Variants in NR3C1 observed in about 807,000 individuals in gnomAD.
The protein encoded by NR3C1 is nuclear receptor subfamily 3 group C member 1.
A neutral mutation model predicts 74.0 loss-of-function variants in NR3C1; 14 were observed. That is an observed-to-expected ratio of 0.19 (90% CI 0.12 to 0.30). NR3C1 has a LOEUF of 0.30. NR3C1 is among the 10% of genes least tolerant of loss of function. The pLI, the probability that NR3C1 is intolerant of heterozygous loss-of-function variation, is 1.00. For missense variants in NR3C1, 695 were observed against 909.8 expected (o/e 0.76, Z 3.04); for synonymous variants, 308 against 332.5 (o/e 0.93, Z 0.80).
chr5:143,306,571 T>C lies in NR3C1; in HGVS notation c.1468+3526A>G, dbSNP rs146953609. Among the ~76,000 whole-genome samples the C allele has an allele frequency of 1.8e-4, 27 of 152,326 alleles. 2 individuals are homozygous for C. The East Asian group carries it at 5.0e-3, about 28-fold the overall frequency. ...TCTTTCAATTCATCTACAAGTAGAA[T>C]TGGATCATTTATATGATATGTGCCA... On this transcript the variant is annotated intron_variant, in intron 4 of 8. Transcript: ENST00000394464.
At chr5:143,401,113 G>T in intron 1 of NR3C1, 1 of 489,868 alleles carries the variant, frequency 2.0e-6, no homozygotes, top group South Asian at 2.2e-5. Flanking sequence ...AACTAAGCTT[G>T]GCTATTCATC....
At chr5:143,394,187 T>C (rs1021769606) in intron 2 of NR3C1, among the ~76,000 whole-genome samples, 4 of 152,036 alleles carry the variant, frequency 2.6e-5, no homozygotes, top group African/African-American at 9.6e-5. Context: ...AAATTAATAC[T>C]TGGGTTACTC....
intron 4 of NR3C1, among the ~76,000 whole-genome samples, chr5:143,307,349 A>G (rs1218506015): frequency 1.3e-5 from 2 of 152,170 alleles, no homozygotes; most frequent in East Asian, 1.9e-4. Context: ...GGGCACTGCA[A>G]TTGCTATTAA....
At chr5:143,361,457 A>T (rs1030554527) in intron 2 of NR3C1, among the ~76,000 whole-genome samples, 2 of 152,204 alleles carry the variant, frequency 1.3e-5, no homozygotes, top group African/African-American at 4.8e-5. Flanking sequence ...TAAACCTTAG[A>T]ACTCCTTCTT....
At chr5:143,390,225 T>C (rs948683573) in intron 2 of NR3C1, among the ~76,000 whole-genome samples, 4 of 152,190 alleles carry the variant, frequency 2.6e-5, no homozygotes, top group Non-Finnish European at 5.9e-5. Flanking sequence ...CTATCAGTAA[T>C]CGCAGAGGTT....
At chr5:143,293,039 T>C (rs1816305583) in intron 7 of NR3C1, among the ~76,000 whole-genome samples, 1 of 152,224 alleles carries the variant, frequency 6.6e-6, no homozygotes, top group Non-Finnish European at 1.5e-5. Context: ...AATTGTATTC[T>C]TCTGCTTTTA....
chr5:143,279,502 C>T lies in NR3C1; in HGVS notation c.*2387G>A, dbSNP rs756213570. The T allele has an allele frequency of 1.7e-4, 227 of 1,335,464 alleles. No individual in the cohort carries two copies. The highest frequency in any genetic ancestry group is 2.1e-4 in the Non-Finnish European group (219 of 1,022,134). 82.7% of individuals were successfully genotyped at this position (1,335,464 alleles called of 1,614,324 possible). On this transcript the variant is annotated 3_prime_UTR_variant, in exon 9 of 9. Transcript: ENST00000394464. Reference sequence around the variant, plus strand: ...AATATTCAAGCAGTTTTCTTAGGCACCAAAAATTTATCCAGCCGGGTTACA... The same window carrying T: ...AATATTCAAGCAGTTTTCTTAGGCATCAAAAATTTATCCAGCCGGGTTACA...
chr5:143,404,040 C>T (rs1386301795), upstream of NR3C1: 17 of 985,424 alleles, frequency 1.7e-5, no homozygotes, highest in Non-Finnish European at 1.8e-5. Context: ...AGTTTCTTTT[C>T]TCGCTACCTC....
upstream of NR3C1, chr5:143,404,396 C>T (rs1191885607): frequency 9.1e-6 from 9 of 985,488 alleles, no homozygotes; most frequent in East Asian, 6.8e-4. Flanking sequence ...GGGGGAGTCG[C>T]GTGCCGGCAG....
intron 2 of NR3C1, among the ~76,000 whole-genome samples, chr5:143,323,504 G>C (rs901793588): frequency 1.3e-5 from 2 of 151,972 alleles, no homozygotes; most frequent in Admixed American, 6.6e-5. Flanking sequence ...ACAACACATG[G>C]GAATTCTGGG....
chr5:143,333,347 T>G, intron 2 of NR3C1: 1 of 653,110 alleles, frequency 1.5e-6, no homozygotes, highest in Non-Finnish European at 2.7e-6. Flanking sequence ...AGAGTAACCT[T>G]GAGATTGGGA....
At chr5:143,384,671 C>G (rs548906058) in intron 2 of NR3C1, among the ~76,000 whole-genome samples, 14 of 152,334 alleles carry the variant, frequency 9.2e-5, no homozygotes, top group African/African-American at 3.4e-4. Context: ...CCAAGCCACG[C>G]TGACACAAGG....
intron 2 of NR3C1, among the ~76,000 whole-genome samples, chr5:143,321,167 G>C (rs1023150236): frequency 1.3e-5 from 2 of 152,164 alleles, no homozygotes; most frequent in African/African-American, 4.8e-5. Flanking sequence ...GAACATGTTG[G>C]AGACAATAGT....
intron 6 of NR3C1, among the ~76,000 whole-genome samples, chr5:143,297,671 G>A (rs575857210): frequency 1.3e-5 from 2 of 152,112 alleles, no homozygotes; most frequent in African/African-American, 4.8e-5. Flanking sequence ...TAGACCAGGG[G>A]TATGTGTGTG....
At chr5:143,358,367 CT>C (rs1831560518) in intron 2 of NR3C1, among the ~76,000 whole-genome samples, 1 of 152,148 alleles carries the variant, frequency 6.6e-6, no homozygotes, top group African/African-American at 2.4e-5. Flanking sequence ...GAGGGATAGC[CT>C]TATAATGTTC....
intron 2 of NR3C1, among the ~76,000 whole-genome samples, chr5:143,371,873 A>G (rs1012497816): frequency 6.6e-6 from 1 of 152,178 alleles, no homozygotes; most frequent in African/African-American, 2.4e-5. Context: ...CTGTTTACCT[A>G]TACTCAAACT....
chr5:143,300,443 A>G lies in NR3C1; in HGVS notation c.1747+42T>C, dbSNP rs781021613. Reference sequence around the variant, plus strand: ...CCAAAGTGTTTTTGCTGAAGAAAACACAAAGGTTTATATAGTTGCTCTTTT... The same window carrying G: ...CCAAAGTGTTTTTGCTGAAGAAAACGCAAAGGTTTATATAGTTGCTCTTTT... On this transcript the variant is annotated intron_variant, in intron 5 of 8. Coordinates refer to ENST00000394464, the MANE Select transcript of NR3C1 (RefSeq NM_000176.3). This position sits in a 1 kb window ranked among gnomAD's most constrained non-coding sequence, Gnocchi z 5.2. 2 of 1,613,596 alleles carry G rather than the reference A, an allele frequency of 1.2e-6. No individual in the cohort carries two copies. Among genetic ancestry groups the G allele is most frequent in the Admixed American group, 3.3e-5 (2 of 60,022 alleles).
In NR3C1 at chr5:143,403,318, T is replaced by C; in HGVS notation, c.-121A>G. On this transcript the variant is annotated 5_prime_UTR_variant, in exon 1 of 9. Coordinates refer to ENST00000394464, the MANE Select transcript of NR3C1 (RefSeq NM_000176.3). Reference sequence around the variant, plus strand: ...AGGAGCAGGAGGGAAATATATTTTTTTTTTCTAAAAAAAGGAAGTAAACAG... The same window carrying C: ...AGGAGCAGGAGGGAAATATATTTTTCTTTTCTAAAAAAAGGAAGTAAACAG... The C allele has an allele frequency of 1.0e-6, 1 of 985,356 alleles. No individual in the cohort carries two copies. The highest frequency in any genetic ancestry group is 1.2e-6 in the Non-Finnish European group (1 of 829,926). The allele number at this position is 985,356 out of a possible 1,614,324, so 61.0% of individuals were successfully genotyped here. A position where few individuals can be genotyped will look rare whatever the true frequency, so the allele number is the denominator to read the frequency against.
At chr5:143,435,117 G>T (rs1752047765) in exon 1 of NR3C1, 30 of 985,372 alleles carry the variant, frequency 3.0e-5, no homozygotes, top group Non-Finnish European at 3.6e-5. Flanking sequence ...GCTCAACAAG[G>T]ATTTGAAAAC....
Sources: gnomAD v4.1 joint callset for allele counts (sites outside exome capture counted in the v4.1 genomes callset) on GRCh38, gnomAD v4.1.1 for gene constraint, Gnocchi (gnomAD v3.1) non-coding constraint, MANE v1.5 for transcripts, NCBI Gene and HGNC (gene_info 2026-07-23, HGNC 2026-07-21) for gene names.